The following EYA1 variants were observed in gnomAD, a reference collection of about 807,000 sequenced individuals.
EYA1 encodes the protein protein phosphatase EYA1.
In EYA1, 16 loss-of-function variants were observed where a neutral mutation model predicts 82.0. The observed-to-expected ratio is 0.20, with a 90% CI of 0.13 to 0.30. The LOEUF (loss-of-function observed/expected upper bound fraction) is 0.30, where lower values mean the gene tolerates loss of function less well. Ranked by LOEUF, EYA1 falls within the 10% of genes least tolerant of loss-of-function variation. The pLI, the probability that EYA1 is intolerant of heterozygous loss-of-function variation, is 1.00. For missense variants in EYA1, 633 were observed against 730.7 expected (o/e 0.87, Z 1.54); for synonymous variants, 261 against 264.4 (o/e 0.99, Z 0.12).
At chr8:71,333,431 A>G (rs1209042755) in intron 4 of EYA1, among the ~76,000 whole-genome samples, 1 of 152,208 alleles carries the variant, frequency 6.6e-6, no homozygotes, top group East Asian at 1.9e-4. Context: ...TCTAAGAATT[A>G]CCTCTGATAT....
At chr8:71,266,803 A>G (rs1045736503) in intron 11 of EYA1, among the ~76,000 whole-genome samples, 19 of 152,158 alleles carry the variant, frequency 1.2e-4, no homozygotes, top group Admixed American at 5.2e-4. Context: ...CTTGTCCAAC[A>G]CTGAACTCTC....
intron 2 of EYA1, among the ~76,000 whole-genome samples, chr8:71,424,988 C>T (rs112151904): frequency 4.7e-5 from 7 of 150,142 alleles, no homozygotes; most frequent in African/African-American, 7.3e-5. Context: ...AGGCCGGGCG[C>T]GGTGGCTCAC....
intron 1 of EYA1, among the ~76,000 whole-genome samples, chr8:71,541,507 A>G (rs547309767): frequency 1.6e-4 from 24 of 152,250 alleles, no homozygotes; most frequent in Non-Finnish European, 3.1e-4. Flanking sequence ...GAATGATGAC[A>G]TGCTTATTTG....
Position 71,361,748 on chromosome 8 carries a change from G to C in EYA1, c.-156C>G. The C allele has an allele frequency of 1.0e-6, 1 of 985,520 alleles. No individual in the cohort carries two copies. Among genetic ancestry groups the C allele is most frequent in the Non-Finnish European group, 1.2e-6 (1 of 829,988 alleles). The allele number at this position is 985,520 out of a possible 1,614,324, so 61.0% of individuals were successfully genotyped here. On this transcript the variant is annotated 5_prime_UTR_variant, in exon 1 of 18. Transcript: ENST00000340726. ...CATAGTTTTGCTCCTGGATGGGTAC[G>C]CGCGGGGGCTCTCAGGCGCTCTGGT... is the stretch of plus-strand genomic sequence containing the variant.
At chr8:71,279,943 CA>C (rs1291426617) in intron 9 of EYA1, among the ~76,000 whole-genome samples, 2 of 152,314 alleles carry the variant, frequency 1.3e-5, no homozygotes, top group Admixed American at 6.5e-5. Flanking sequence ...CTTTCTGGGC[CA>C]CACGGTCTCT....
In EYA1 at chr8:71,409,055, C is replaced by T. The variant is rs1315049831; in HGVS notation, c.34-52544G>A. Among the ~76,000 whole-genome samples the T allele has an allele frequency of 2.5e-5, 3 of 118,736 alleles. No homozygotes were observed. In the South Asian group the frequency reaches 9.2e-4, roughly 36 times the overall value. The allele number at this position is 118,736 out of a possible 152,430, so 77.9% of individuals were successfully genotyped here. ...ACCACAGTGCAATCAAACTAGAACT[C>T]AGGATTAAGAATCTCACTCAAAGCC... On this transcript the variant is annotated intron_variant, in intron 2 of 18. Coordinates refer to the EYA1 transcript ENST00000643681.
intron 2 of EYA1, among the ~76,000 whole-genome samples, chr8:71,416,127 G>T (rs1830841388): frequency 6.6e-6 from 1 of 152,190 alleles, no homozygotes; most frequent in South Asian, 2.1e-4. Context: ...CCAGTAGAAA[G>T]CTCCAGGCGG....
intron 2 of EYA1, among the ~76,000 whole-genome samples, chr8:71,368,888 C>T (rs1045489378): frequency 9.2e-5 from 14 of 152,000 alleles, no homozygotes; most frequent in Non-Finnish European, 1.8e-4. Flanking sequence ...TTAGACATTT[C>T]ACATTAAGAT....
At chr8:71,413,122 G>C (rs1328010904) in intron 2 of EYA1, among the ~76,000 whole-genome samples, 1 of 152,184 alleles carries the variant, frequency 6.6e-6, no homozygotes, top group Non-Finnish European at 1.5e-5. Context: ...TTATAAGGAT[G>C]ATATTGTGGA....
intron 2 of EYA1, among the ~76,000 whole-genome samples, chr8:71,369,397 C>T (rs184554750): frequency 1.2e-4 from 19 of 152,214 alleles, no homozygotes; most frequent in African/African-American, 4.3e-4. Context: ...ACAAATGCAC[C>T]AGAGATTCAA....
intron 2 of EYA1, among the ~76,000 whole-genome samples, chr8:71,530,178 G>C (rs1158097004): frequency 1.3e-5 from 2 of 152,166 alleles, no homozygotes; most frequent in African/African-American, 4.8e-5. Flanking sequence ...AAGAAGAGAA[G>C]GAGGGGCACA....
At chr8:71,374,512 G>A (rs1394199966) in intron 2 of EYA1, among the ~76,000 whole-genome samples, 1 of 152,188 alleles carries the variant, frequency 6.6e-6, no homozygotes, top group Non-Finnish European at 1.5e-5. Flanking sequence ...TGGAGAAAAG[G>A]AAACCTTTGC....
At chr8:71,213,506 A>G (rs753529478) in intron 16 of EYA1, among the ~76,000 whole-genome samples, 20 of 152,262 alleles carry the variant, frequency 1.3e-4, no homozygotes, top group Non-Finnish European at 2.5e-4. Flanking sequence ...TTTATGGAAC[A>G]TGAAAGCACA....
At chr8:71,509,972 T>C (rs1812472676) in intron 2 of EYA1, among the ~76,000 whole-genome samples, 1 of 151,794 alleles carries the variant, frequency 6.6e-6, no homozygotes, top group Non-Finnish European at 1.5e-5. Flanking sequence ...GAATCATAGA[T>C]GGTAATGGTA....
chr8:71,546,144 A>G (rs894018283), intron 1 of EYA1, among the ~76,000 whole-genome samples: 1 of 152,058 alleles, frequency 6.6e-6, no homozygotes, highest in Non-Finnish European at 1.5e-5. Flanking sequence ...CCTTCCACCC[A>G]GAGTCCTACC....
At chr8:71,372,027 A>G (rs1828113006) in intron 2 of EYA1, among the ~76,000 whole-genome samples, 1 of 152,166 alleles carries the variant, frequency 6.6e-6, no homozygotes, top group African/African-American at 2.4e-5. Flanking sequence ...GAGGAAGGAC[A>G]ATAAAGCCTA....
intron 12 of EYA1, among the ~76,000 whole-genome samples, chr8:71,229,682 T>G (rs1043157409): frequency 6.6e-6 from 1 of 152,200 alleles, no homozygotes; most frequent in Non-Finnish European, 1.5e-5. Flanking sequence ...CATACTCATG[T>G]AGAAAATTTG....
intron 2 of EYA1, among the ~76,000 whole-genome samples, chr8:71,523,874 T>TA (rs1170560942): frequency 6.6e-6 from 1 of 152,176 alleles, no homozygotes; most frequent in African/African-American, 2.4e-5. Context: ...AACAGAAAGA[T>TA]AATCATTTTT....
At chr8:71,235,565 G>C (rs1481704454) in intron 12 of EYA1, among the ~76,000 whole-genome samples, 1 of 152,060 alleles carries the variant, frequency 6.6e-6, no homozygotes, top group Non-Finnish European at 1.5e-5. Context: ...AATACTGCTT[G>C]ATTTGCTTCA....
Sources: gnomAD v4.1 joint callset for allele counts (sites outside exome capture counted in the v4.1 genomes callset) on GRCh38, gnomAD v4.1.1 for gene constraint, MANE v1.5 for transcripts, NCBI Gene and HGNC (gene_info 2026-07-23, HGNC 2026-07-21) for gene names.